The following POLR2M variants were observed in gnomAD, a reference collection of about 807,000 sequenced individuals.
POLR2M encodes protein GRINL1A.
POLR2M carries 30 observed loss-of-function variants against 34.6 expected under a neutral mutation model. That is an observed-to-expected ratio of 0.87 (90% CI 0.65 to 1.18). The LOEUF (loss-of-function observed/expected upper bound fraction) is 1.18, where lower values mean the gene tolerates loss of function less well. Among genes scored for constraint, POLR2M ranks in the 50% most tolerant of loss-of-function variants. The pLI is 0.00. For missense variants in POLR2M, 432 were observed against 448.7 expected, an observed-to-expected ratio of 0.96 and a Z score of 0.34; for synonymous variants, 150 against 166.7, an observed-to-expected ratio of 0.90 and a Z score of 0.77.
intron 3 of POLR2M, among the ~76,000 whole-genome samples, chr15:57,713,808 G>A (rs571367169): frequency 2.5e-4 from 34 of 137,036 alleles, no homozygotes; most frequent in African/African-American, 8.4e-4. Flanking sequence ...AATCTAGACA[G>A]CATTAGTCCT....
chr15:57,712,220 G>T (rs1567269038), intron 3 of POLR2M, 32 bp downstream of exon 3: 3 of 1,611,396 alleles, frequency 1.9e-6, no homozygotes, highest in East Asian at 2.2e-5. Context: ...TTGTCTGTTT[G>T]TTGGGTGCTG....
intron 3 of POLR2M, among the ~76,000 whole-genome samples, chr15:57,713,820 CTTTTTTTTTTTTTTTTTTTTTTTTTTT>C (rs869161314): frequency 1.5e-5 from 1 of 65,568 alleles, no homozygotes; most frequent in African/African-American, 6.0e-5. Flanking sequence ...ATTAGTCCTT[CTTTTTTTTTTTTTTTTTTTTTTTTTTT>C]TTTTTTTTTT....
chr15:57,710,051 C>G (rs2040648527), intron 2 of POLR2M, among the ~76,000 whole-genome samples: 1 of 152,112 alleles, frequency 6.6e-6, no homozygotes. Context: ...GTAATGTATA[C>G]ATGTGTAATG....
intron 3 of POLR2M, among the ~76,000 whole-genome samples, chr15:57,713,934 C>T (rs939945061): frequency 1.4e-5 from 2 of 139,594 alleles, no homozygotes; most frequent in African/African-American, 5.3e-5. Flanking sequence ...CTCCGCCTCC[C>T]GGGTTCACGC....
Position 57,709,062 on chromosome 15 carries a change from A to G in POLR2M, c.462A>G (p.Pro154=), listed in dbSNP as rs2140814559. Residue 154 remains proline (P), a synonymous_variant, in exon 2 of 4, where the codon CCA becomes CCG. Transcript: ENST00000299638. ...SEVEYTVNKG[P]ASSNRDRVPP... Reference sequence around the variant, plus strand: ...TTGAGTACACAGTGAATAAGGGCCCAGCTTCCAGCAATAGAGACAGGGTAC... The same window carrying G: ...TTGAGTACACAGTGAATAAGGGCCCGGCTTCCAGCAATAGAGACAGGGTAC... 5 of 1,614,194 alleles carry G rather than the reference A, an allele frequency of 3.1e-6. 1 individual carries two copies. The South Asian group carries it at 4.4e-5, about 14-fold the overall frequency.
In POLR2M at chr15:57,712,042, T is replaced by G; in HGVS notation, c.817T>G (p.Ser273Ala). 3 of 1,614,086 alleles carry G rather than the reference T, an allele frequency of 1.9e-6. No individual in the cohort carries two copies. Among genetic ancestry groups the G allele is most frequent in the Non-Finnish European group, 2.5e-6 (3 of 1,179,950 alleles). Reference sequence around the variant, plus strand: ...TTGCCAGAAGAGTGGGTCTCCTATTTCCTCAGAAGAGCGGCGGCGCAGGGA... The same window carrying G: ...TTGCCAGAAGAGTGGGTCTCCTATTGCCTCAGAAGAGCGGCGGCGCAGGGA... The part of the protein sequence containing the change: ...SHCQKSGSPI[S>A]SEERRRRDKQ... Residue 273 changes from serine to alanine, a missense_variant, in exon 3 of 4, where the codon TCC becomes GCC. Physicochemically the swap from Ser to Ala is moderately conservative, Grantham distance 99. Coordinates refer to ENST00000299638, the MANE Select transcript of POLR2M (RefSeq NM_015532.5).
At chr15:57,709,637 A>G (rs1434497779) in intron 2 of POLR2M, among the ~76,000 whole-genome samples, 2 of 152,244 alleles carry the variant, frequency 1.3e-5, no homozygotes, top group East Asian at 3.8e-4. Context: ...CACTGAGACC[A>G]GCCTGGCCGG....
At chr15:57,707,457 TG>T in intron 1 of POLR2M, 2 of 575,598 alleles carry the variant, frequency 3.5e-6, no homozygotes, top group Non-Finnish European at 3.3e-6. Context: ...AAAGTGATTT[TG>T]TTTTTTAGGC....
chr15:57,714,948 ATACT>A lies in POLR2M; in HGVS notation c.*271_*274del, dbSNP rs1315542284. 2.8e-6 allele frequency: 1 copy of A among 351,024 alleles called. No individual in the cohort carries two copies. Among genetic ancestry groups the A allele is most frequent in the East Asian group, 5.8e-5 (1 of 17,166 alleles). The allele number at this position is 351,024 out of a possible 1,614,324, so 21.7% of individuals were successfully genotyped here. On this transcript the variant is annotated 3_prime_UTR_variant, in exon 4 of 4. Coordinates refer to ENST00000299638, the MANE Select transcript of POLR2M (RefSeq NM_015532.5). ...CTGATATTTTAGTATATAGTAGAAC[ATACT>A]TTTTTTTTCTTTAAGCCAAATGAAA...
chr15:57,712,128 G>T lies in POLR2M; in HGVS notation c.903G>T (p.Thr301=), dbSNP rs375561431. ...ARLLPLHHMP[T]QLLSIEESLA... ...TTCTACCACTTCACCATATGCCCAC[G>T]CAGCTGCTCTCCATAGAAGAATCCT... Residue 301 remains threonine (T), a synonymous_variant, in exon 3 of 4, where the codon ACG becomes ACT. Transcript: ENST00000299638. 1.2e-6 allele frequency: 2 copies of T among 1,614,118 alleles called. No homozygotes were observed. Among genetic ancestry groups the T allele is most frequent in the Non-Finnish European group, 8.5e-7 (1 of 1,180,022 alleles).
At position 57,716,101 on chromosome 15, in the gene POLR2M, C is replaced by T. The variant is rs1225272061; in HGVS notation, c.*1422C>T. 1.3e-5 allele frequency: 2 copies of T among 152,270 alleles called. No homozygotes were observed. The highest frequency in any genetic ancestry group is 4.8e-5 in the African/African-American group (2 of 41,464). 9.4% of individuals were successfully genotyped at this position (152,270 alleles called of 1,614,324 possible). A position where few individuals can be genotyped will look rare whatever the true frequency, so the allele number is the denominator to read the frequency against. ...TAATCCTGCCATCTAGGGAGATAAA[C>T]TCTGTTAACATTTTGATGTTGTGTT... is the stretch of plus-strand genomic sequence containing the variant. On this transcript the variant is annotated 3_prime_UTR_variant, in exon 4 of 4. Transcript: ENST00000299638.
chr15:57,708,979 T>C lies in POLR2M; in HGVS notation c.379T>C (p.Ser127Pro). 1 of 1,613,946 alleles carries C rather than the reference T, an allele frequency of 6.2e-7. No homozygotes were observed. Among genetic ancestry groups the C allele is most frequent in the South Asian group, 1.1e-5 (1 of 91,074 alleles). The change falls in exon 2 of 4, where the codon TCA becomes CCA. Residue 127 changes from serine to proline, a missense_variant. Physicochemically the swap from Ser to Pro is moderately conservative, Grantham distance 74 (BLOSUM62 -1). Transcript: ENST00000299638. Reference sequence around the variant, plus strand: ...AGATAACATCAAGTCATCTCAAACCTCACAAAACCAGGGACTTGGACGTCC... The same window carrying C: ...AGATAACATCAAGTCATCTCAAACCCCACAAAACCAGGGACTTGGACGTCC... ...SVDNIKSSQTSQNQGLGRPTL... is the reference protein window; with the variant it reads ...SVDNIKSSQTPQNQGLGRPTL...
chr15:57,709,823 C>G (rs2040639483), intron 2 of POLR2M, among the ~76,000 whole-genome samples: 1 of 152,080 alleles, frequency 6.6e-6, no homozygotes. Context: ...TTTTAGTGTA[C>G]AGCTTTGATT....
rs1349199489 is a variant in POLR2M, at chr15:57,706,738, C to G, written c.-105C>G. ...CGTTCTTCCGGGAAAATGGCGACTC[C>G]CGCTCGTGCCCCGGAGTCACCGCCG... On this transcript the variant is annotated 5_prime_UTR_variant, in exon 1 of 4. Transcript: ENST00000299638. The G allele has an allele frequency of 7.6e-7, 1 of 1,316,142 alleles. No individual in the cohort carries two copies. The highest frequency in any genetic ancestry group is 1.4e-5 in the South Asian group (1 of 69,630). 81.5% of individuals were successfully genotyped at this position (1,316,142 alleles called of 1,614,324 possible).
chr15:57,707,490 G>A (rs967696459), intron 1 of POLR2M: 21 of 514,082 alleles, frequency 4.1e-5, no homozygotes, highest in Middle Eastern at 2.9e-4. Flanking sequence ...GCAGCTTGTT[G>A]CAAAAGATGG....
In POLR2M at chr15:57,709,291, T is replaced by C. The variant is rs748029829; in HGVS notation, c.691T>C (p.Tyr231His). The C allele has an allele frequency of 5.0e-6, 8 of 1,614,026 alleles. No homozygotes were observed. The highest frequency in any genetic ancestry group is 1.1e-5 in the South Asian group (1 of 91,084). The change falls in exon 2 of 4, where the codon TAC (tyrosine) becomes CAC (histidine). Residue 231 changes from tyrosine to histidine, a missense_variant. Coordinates refer to ENST00000299638, the MANE Select transcript of POLR2M (RefSeq NM_015532.5). ...CAGTGGGACTGAGAAGAAACCTCAT[T>C]ACATGGAAGTGCTAGAAATGCGAGC... ...LSSGTEKKPHYMEVLEMRAKN... is the reference protein window; with the variant it reads ...LSSGTEKKPHHMEVLEMRAKN...
chr15:57,711,003 T>G (rs1277417486), intron 2 of POLR2M, among the ~76,000 whole-genome samples: 1 of 152,152 alleles, frequency 6.6e-6, no homozygotes, highest in Non-Finnish European at 1.5e-5. Context: ...TCCCAGAACT[T>G]TAGGTTTGCA....
At position 57,708,761 on chromosome 15, in the gene POLR2M, CTT is replaced by C. The variant is rs1229022452; in HGVS notation, c.164_165del (p.Phe55CysfsTer11). 1.9e-6 allele frequency: 3 copies of C among 1,606,134 alleles called. No homozygotes were observed. Among genetic ancestry groups the C allele is most frequent in the African/African-American group, 1.3e-5 (1 of 74,552 alleles). ...GACAAAGGTAAAAAGATCTTTGACTCTTTTGCCAAACTGAAAGCTGCCATTGC... is the reference window on the plus strand; with the variant it reads ...GACAAAGGTAAAAAGATCTTTGACTCTTGCCAAACTGAAAGCTGCCATTGC... On this transcript the variant is annotated frameshift_variant, in exon 2 of 4. Transcript: ENST00000299638. LOFTEE classifies it high-confidence loss of function.
rs1275848324 is a variant in POLR2M at position 57,716,832 on chromosome 15, T to A, written c.*2153T>A. The A allele has an allele frequency of 1.3e-5, 2 of 152,232 alleles. No homozygotes were observed. Among genetic ancestry groups the A allele is most frequent in the Non-Finnish European group, 2.9e-5 (2 of 68,026 alleles). 9.4% of individuals were successfully genotyped at this position (152,232 alleles called of 1,614,324 possible). A position where few individuals can be genotyped will look rare whatever the true frequency, so the allele number is the denominator to read the frequency against. Reference sequence around the variant, plus strand: ...ATTTCAGTATAGAAGTTGTTTTCTTTAGGAGTCTACCTTTGTGTATGTGCT... The same window carrying A: ...ATTTCAGTATAGAAGTTGTTTTCTTAAGGAGTCTACCTTTGTGTATGTGCT... On this transcript the variant is annotated 3_prime_UTR_variant, in exon 4 of 4. Transcript: ENST00000299638.
Sources: gnomAD v4.1 joint callset for allele counts (sites outside exome capture counted in the v4.1 genomes callset) on GRCh38, gnomAD v4.1.1 for gene constraint, MANE v1.5 for transcripts, NCBI Gene and HGNC (gene_info 2026-07-23, HGNC 2026-07-21) for gene names.